Variants in ROR2 observed in about 807,000 individuals in gnomAD.
The protein encoded by ROR2 is ROR family WNT receptor 2, also known as tyrosine-protein kinase transmembrane receptor ROR2.
ROR2 carries 33 observed loss-of-function variants against 74.9 expected under a neutral mutation model. That is an observed-to-expected ratio of 0.44 (90% CI 0.33 to 0.59). ROR2 has a LOEUF of 0.59. Among genes scored for constraint, ROR2 ranks in the 20% least tolerant of loss-of-function variants. ROR2 has a pLI of 0.02. For synonymous variants in ROR2, 586 were observed against 558.7 expected (o/e 1.05, Z -0.69); for missense variants, 1,216 against 1,313.8 (o/e 0.93, Z 1.15).
At chr9:91,775,926 T>C (rs988474565) in intron 1 of ROR2, 108 bp from the exon 2 acceptor site, 1 of 861,630 alleles carries the variant, frequency 1.2e-6, no homozygotes, top group Non-Finnish European at 1.9e-6. Flanking sequence ...ACCCAGTATT[T>C]GTAGAAAACA....
chr9:91,894,717 G>C (rs1445608456), intron 1 of ROR2, among the ~76,000 whole-genome samples: 2 of 152,196 alleles, frequency 1.3e-5, no homozygotes, highest in Non-Finnish European at 2.9e-5. Context: ...GTCCTTTCCA[G>C]TTCCTTCAGT....
intron 4 of ROR2, among the ~76,000 whole-genome samples, chr9:91,751,729 G>C (rs1166175156): frequency 6.6e-6 from 1 of 152,112 alleles, no homozygotes; most frequent in Non-Finnish European, 1.5e-5. Context: ...GATGAGTCAA[G>C]AAATGTGCAG....
chr9:91,747,871 C>T (rs148523208), intron 4 of ROR2, among the ~76,000 whole-genome samples: 1 of 152,210 alleles, frequency 6.6e-6, no homozygotes, highest in East Asian at 1.9e-4. Flanking sequence ...AGGATGTCCT[C>T]GTGTGGAAAA....
rs1163415638 is a variant in ROR2 at position 91,837,272 on chromosome 9, C to T, written c.98-61454G>A. Among the ~76,000 whole-genome samples the T allele has an allele frequency of 3.9e-5, 6 of 152,300 alleles. No individual in the cohort carries two copies. In the East Asian group the frequency reaches 7.7e-4, roughly 20 times the overall value. ...TATTTTTAGTACAGACGGGGTTTCA[C>T]CATGTTAGCCAGGATGGTCTTGATC... On this transcript the variant is annotated intron_variant, in intron 1 of 8. Transcript: ENST00000375708.
chr9:91,762,233 C>G (rs1441121022), intron 2 of ROR2, among the ~76,000 whole-genome samples: 1 of 152,174 alleles, frequency 6.6e-6, no homozygotes, highest in Non-Finnish European at 1.5e-5. Flanking sequence ...TGGGCCTACC[C>G]GGATAAGAGA....
chr9:91,881,488 T>C (rs1830109573), intron 1 of ROR2, among the ~76,000 whole-genome samples: 3 of 152,196 alleles, frequency 2.0e-5, no homozygotes, highest in East Asian at 3.8e-4. Context: ...TGTTATACAG[T>C]ATGTCATTTC....
At chr9:91,757,602 G>A (rs1825800781) in intron 2 of ROR2, 43 bp from the exon 3 acceptor site, 2 of 1,599,190 alleles carry the variant, frequency 1.3e-6, no homozygotes, top group Non-Finnish European at 1.7e-6. Flanking sequence ...GTCAGTGAGG[G>A]CTGGAAGGAA....
At chr9:91,725,791 C>T (rs1837007992) in intron 8 of ROR2, among the ~76,000 whole-genome samples, 1 of 152,156 alleles carries the variant, frequency 6.6e-6, no homozygotes, top group African/African-American at 2.4e-5. Flanking sequence ...CTCATCCTCC[C>T]CAGAGGTTCC....
chr9:91,904,674 C>T (rs1830765642), intron 1 of ROR2, among the ~76,000 whole-genome samples: 1 of 152,138 alleles, frequency 6.6e-6, no homozygotes, highest in Non-Finnish European at 1.5e-5. Flanking sequence ...ACAGGATGTC[C>T]CTTCCAGGCT....
intron 1 of ROR2, among the ~76,000 whole-genome samples, chr9:91,781,008 G>C (rs1826601634): frequency 6.6e-6 from 1 of 152,170 alleles, no homozygotes; most frequent in African/African-American, 2.4e-5. Flanking sequence ...TATTCAGACT[G>C]TTCATCCATT....
intron 4 of ROR2, among the ~76,000 whole-genome samples, chr9:91,748,853 C>A (rs1825515360): frequency 6.6e-6 from 1 of 152,048 alleles, no homozygotes; most frequent in African/African-American, 2.4e-5. Flanking sequence ...ATGGTGGAAC[C>A]CTGTCTCTAC....
chr9:91,739,692 G>GA (rs1450739274), intron 4 of ROR2, among the ~76,000 whole-genome samples: 1 of 152,184 alleles, frequency 6.6e-6, no homozygotes. Flanking sequence ...AATACTTCAA[G>GA]AAAGAGATTT....
At position 91,839,275 on chromosome 9, in the gene ROR2, T is replaced by TACAGGC. The variant is rs1554681706; in HGVS notation, c.98-63458_98-63457insGCCTGT. 7.1e-3 allele frequency among the ~76,000 whole-genome samples: 1,033 copies of TACAGGC among 145,962 alleles called. 19 individuals carry two copies. Among genetic ancestry groups the TACAGGC allele is most frequent in the African/African-American group, 0.025 (965 of 38,624 alleles). The stretch of plus-strand genomic sequence containing the variant: ...GGGTGTGTGTGTGTGTGTGTGTGTG[T>TACAGGC]GTGTGTGTGTGTGTGTGTGTAAGTA... On this transcript the variant is annotated intron_variant, in intron 1 of 8. Transcript: ENST00000375708.
intron 1 of ROR2, among the ~76,000 whole-genome samples, chr9:91,940,483 CAG>C (rs1174190614): frequency 6.6e-6 from 1 of 152,128 alleles, no homozygotes; most frequent in East Asian, 1.9e-4. Flanking sequence ...TAGACAAAGA[CAG>C]AGATTTTCAG....
At chr9:91,836,713 C>A (rs1055463288) in intron 1 of ROR2, among the ~76,000 whole-genome samples, 2 of 151,894 alleles carry the variant, frequency 1.3e-5, no homozygotes, top group African/African-American at 4.8e-5. Flanking sequence ...GCAGGAGGAG[C>A]TGCGGCTCAC....
chr9:91,743,189 A>T (rs1226383509), intron 4 of ROR2, among the ~76,000 whole-genome samples: 2 of 152,224 alleles, frequency 1.3e-5, no homozygotes, highest in Non-Finnish European at 2.9e-5. Flanking sequence ...TATGAACTTG[A>T]AGACAGATCA....
intron 1 of ROR2, among the ~76,000 whole-genome samples, chr9:91,817,480 G>A (rs1827981146): frequency 6.6e-6 from 1 of 152,222 alleles, no homozygotes. Flanking sequence ...AGATCCTGAT[G>A]GCTGCCACCT....
intron 1 of ROR2, among the ~76,000 whole-genome samples, chr9:91,913,904 A>C (rs1291674049): frequency 6.6e-6 from 1 of 152,184 alleles, no homozygotes; most frequent in Non-Finnish European, 1.5e-5. Flanking sequence ...ATGGCTGTCC[A>C]ACACTGTACT....
At chr9:91,849,022 G>A (rs1829017980) in intron 1 of ROR2, among the ~76,000 whole-genome samples, 1 of 152,154 alleles carries the variant, frequency 6.6e-6, no homozygotes, top group African/African-American at 2.4e-5. Context: ...CCTAAGTGCA[G>A]TTCCACAGCG....
Sources: allele counts gnomAD v4.1 joint callset (sites outside exome capture counted in the v4.1 genomes callset), GRCh38; gene constraint gnomAD v4.1.1; transcripts MANE v1.5; gene names NCBI Gene and HGNC (gene_info 2026-07-23, HGNC 2026-07-21).